CEP112: variants seen among roughly 807,000 people sequenced by gnomAD.
CEP112 encodes the protein centrosomal protein 112.
Under a neutral mutation model 153.0 loss-of-function variants are expected in CEP112, and 127 were observed. That is an observed-to-expected ratio of 0.83 (90% CI 0.72 to 0.96). The LOEUF is 0.96. Ranked by LOEUF, CEP112 falls within the 40% of genes least tolerant of loss-of-function variation. CEP112 has a pLI of 0.00. For missense variants in CEP112, 1,089 were observed against 1,101.2 expected, an observed-to-expected ratio of 0.99 and a Z score of 0.16; for synonymous variants, 358 against 374.4, an observed-to-expected ratio of 0.96 and a Z score of 0.51.
Position 65,937,659 on chromosome 17 carries a change from G to A in CEP112, c.1873-9970C>T, listed in dbSNP as rs1405539545. On this transcript the variant is annotated intron_variant, in intron 18 of 26. Coordinates refer to ENST00000535342, the MANE Select transcript of CEP112 (RefSeq NM_001199165.4). ...GCCCGGCCAGCCGCCCTGTCCGGGA[G>A]GTGAGGGGCGCCTCTGCCCGGCCGC... 3.2e-5 allele frequency among the ~76,000 whole-genome samples: 3 copies of A among 94,548 alleles called. 1 individual carries two copies. The highest frequency in any genetic ancestry group is 4.4e-5 in the Non-Finnish European group (2 of 45,876). The allele number at this position is 94,548 out of a possible 152,430, so 62.0% of individuals were successfully genotyped here.
chr17:66,020,275 T>A (rs1025203476), intron 16 of CEP112, among the ~76,000 whole-genome samples: 1 of 152,242 alleles, frequency 6.6e-6, no homozygotes, highest in African/African-American at 2.4e-5. Flanking sequence ...CCATTTCATA[T>A]GAAATATACT....
intron 17 of CEP112, 75 bp from the exon 18 acceptor site, chr17:65,961,673 C>T (rs2144769458): frequency 7.6e-7 from 1 of 1,315,726 alleles, no homozygotes; most frequent in East Asian, 2.4e-5. Context: ...ATATTTAACC[C>T]CCTCTAAAAT....
intron 6 of CEP112, among the ~76,000 whole-genome samples, chr17:66,099,135 C>A (rs1257428091): frequency 6.6e-6 from 1 of 152,068 alleles, no homozygotes; most frequent in Non-Finnish European, 1.5e-5. Flanking sequence ...GAAGGTTGTT[C>A]ATGATAAAGG....
chr17:65,954,783 C>A (rs540971531), intron 18 of CEP112, among the ~76,000 whole-genome samples: 2 of 151,992 alleles, frequency 1.3e-5, no homozygotes, highest in Non-Finnish European at 2.9e-5. Flanking sequence ...AAAGACAAGG[C>A]TTTCAAATTA....
At chr17:65,671,853 A>G (rs1367111966) in intron 24 of CEP112, among the ~76,000 whole-genome samples, 1 of 152,344 alleles carries the variant, frequency 6.6e-6, no homozygotes, top group South Asian at 2.1e-4. Flanking sequence ...AAACTCTTTC[A>G]GTGAAACTTA....
chr17:65,856,311 T>G (rs2058119264), intron 20 of CEP112, among the ~76,000 whole-genome samples: 1 of 152,120 alleles, frequency 6.6e-6, no homozygotes, highest in African/African-American at 2.4e-5. Flanking sequence ...AAAGAAAAGC[T>G]AATATTTGTG....
chr17:66,168,962 T>C (rs956039365), intron 4 of CEP112, among the ~76,000 whole-genome samples: 1 of 152,110 alleles, frequency 6.6e-6, no homozygotes, highest in Non-Finnish European at 1.5e-5. Flanking sequence ...TCCCTCCTCT[T>C]GGAAACTGTG....
intron 6 of CEP112, among the ~76,000 whole-genome samples, chr17:66,102,448 G>T (rs917161506): frequency 6.6e-6 from 1 of 151,962 alleles, no homozygotes; most frequent in Non-Finnish European, 1.5e-5. Context: ...ATATATTGTG[G>T]AGTTTATAAC....
At chr17:65,654,015 C>A (rs578250530) in intron 24 of CEP112, among the ~76,000 whole-genome samples, 1 of 136,420 alleles carries the variant, frequency 7.3e-6, no homozygotes, top group Non-Finnish European at 1.5e-5. Context: ...GCCGAGATTG[C>A]GCCACTGTAC....
At chr17:65,855,903 A>C (rs1352986285) in intron 20 of CEP112, among the ~76,000 whole-genome samples, 2 of 152,068 alleles carry the variant, frequency 1.3e-5, no homozygotes, top group African/African-American at 4.8e-5. Context: ...TTCTCTACAG[A>C]TAATACAGAA....
intron 21 of CEP112, among the ~76,000 whole-genome samples, chr17:65,781,751 G>C (rs911126541): frequency 1.3e-5 from 2 of 152,088 alleles, no homozygotes; most frequent in Non-Finnish European, 2.9e-5. Context: ...TAAGCAATGG[G>C]GAAAGAACTC....
At chr17:65,905,181 A>G (rs1488050978) in intron 19 of CEP112, among the ~76,000 whole-genome samples, 1 of 152,226 alleles carries the variant, frequency 6.6e-6, no homozygotes. Context: ...ACAGAATGGG[A>G]GAAAATTTTT....
At chr17:65,964,932 T>G (rs1274781374) in intron 17 of CEP112, among the ~76,000 whole-genome samples, 2 of 152,166 alleles carry the variant, frequency 1.3e-5, no homozygotes, top group Non-Finnish European at 2.9e-5. Flanking sequence ...ACTTTAAAAG[T>G]TTATATATCA....
chr17:66,013,276 T>C (rs1683568135), intron 16 of CEP112, among the ~76,000 whole-genome samples: 1 of 152,346 alleles, frequency 6.6e-6, no homozygotes, highest in East Asian at 1.9e-4. Flanking sequence ...TGTCTGTAGG[T>C]AAGAAGACAC....
intron 12 of CEP112, among the ~76,000 whole-genome samples, chr17:66,052,282 A>G (rs1211012546): frequency 2.0e-5 from 3 of 152,200 alleles, no homozygotes; most frequent in Non-Finnish European, 4.4e-5. Context: ...TTGCACCAAC[A>G]TAAAGTCAAA....
Position 65,914,423 on chromosome 17 carries a change from C to T in CEP112, c.1981-12089G>A, listed in dbSNP as rs372849801. Among the ~76,000 whole-genome samples the T allele has an allele frequency of 3.3e-5, 5 of 151,902 alleles. No homozygotes were observed. In the East Asian group the frequency reaches 5.8e-4, roughly 18 times the overall value. ...TTTCTTTTTATTTTCCTTATCTTGC[C>T]TACCACAATGCTTCGTAAATTATTC... On this transcript the variant is annotated intron_variant, in intron 19 of 26. Transcript: ENST00000535342.
At chr17:65,802,044 G>A (rs1231252405) in intron 21 of CEP112, among the ~76,000 whole-genome samples, 1 of 152,140 alleles carries the variant, frequency 6.6e-6, no homozygotes, top group Non-Finnish European at 1.5e-5. Flanking sequence ...AATAGTGGTG[G>A]TGATACTGTT....
intron 18 of CEP112, among the ~76,000 whole-genome samples, chr17:65,954,728 C>A (rs1309585396): frequency 6.6e-6 from 1 of 151,942 alleles, no homozygotes; most frequent in Non-Finnish European, 1.5e-5. Flanking sequence ...ACTGGAAAAT[C>A]TCAGTAATAG....
chr17:65,951,740 C>CG lies in CEP112; in HGVS notation c.1872+9722_1872+9723insC, dbSNP rs1177754827. 4.6e-4 allele frequency among the ~76,000 whole-genome samples: 49 copies of CG among 106,360 alleles called. 2 individuals carry two copies. Among genetic ancestry groups the CG allele is most frequent in the Admixed American group, 1.8e-3 (16 of 8,942 alleles). 69.8% of individuals were successfully genotyped at this position (106,360 alleles called of 152,430 possible). A position where few individuals can be genotyped will look rare whatever the true frequency, so the allele number is the denominator to read the frequency against. ...TCTTAGCTTTCTGCTCTAATCTTCCCCCGCCCCCCCCTTTCTTCCACTTGC... is the reference window on the plus strand; with the variant it reads ...TCTTAGCTTTCTGCTCTAATCTTCCCGCCGCCCCCCCCTTTCTTCCACTTGC... On this transcript the variant is annotated intron_variant, in intron 18 of 26. Coordinates refer to ENST00000535342, the MANE Select transcript of CEP112 (RefSeq NM_001199165.4).
Sources: allele counts gnomAD v4.1 joint callset (sites outside exome capture counted in the v4.1 genomes callset), GRCh38; gene constraint gnomAD v4.1.1; transcripts MANE v1.5; gene names NCBI Gene and HGNC (gene_info 2026-07-23, HGNC 2026-07-21).